The following LRRC4C variants were observed in gnomAD, a reference collection of about 807,000 sequenced individuals.
LRRC4C encodes the protein leucine-rich repeat-containing protein 4C.
In LRRC4C, 5 loss-of-function variants were observed where a neutral mutation model predicts 33.6. That is an observed-to-expected ratio of 0.15 (90% CI 0.08 to 0.31). LRRC4C has a LOEUF of 0.31. LRRC4C is among the 10% of genes least tolerant of loss of function. The probability of loss-of-function intolerance (pLI) is 1.00; values close to 1 mark genes in which losing one functional copy is unlikely to be tolerated. For synonymous variants in LRRC4C, 329 were observed against 302.0 expected, an observed-to-expected ratio of 1.09 and a Z score of -0.93; for missense variants, 560 against 796.7, an observed-to-expected ratio of 0.70 and a Z score of 3.58.
At chr11:41,184,252 T>A in intron 1 of LRRC4C, among the ~76,000 whole-genome samples, 1 of 149,830 alleles carries the variant, frequency 6.7e-6, no homozygotes, top group East Asian at 1.9e-4. Context: ...CTTCAGAAAA[T>A]GCGTTTTTTT....
At chr11:40,516,518 C>T (rs1955566584) in intron 3 of LRRC4C, among the ~76,000 whole-genome samples, 1 of 152,032 alleles carries the variant, frequency 6.6e-6, no homozygotes, top group African/African-American at 2.4e-5. Flanking sequence ...GGTTTATGTC[C>T]ACTCTCTGTC....
At position 41,035,799 on chromosome 11, in the gene LRRC4C, G is replaced by A. The variant is rs146844321; in HGVS notation, c.-495-102076C>T. ...AATATGTAGAATTGAATGGAAATTC[G>A]AATTTAAAATATTAATTTAAATAAT... On this transcript the variant is annotated intron_variant, in intron 1 of 6. Transcript: ENST00000528697. 4.6e-3 allele frequency among the ~76,000 whole-genome samples: 697 copies of A among 152,152 alleles called. 2 individuals carry two copies. The highest frequency in any genetic ancestry group is 0.016 in the African/African-American group (664 of 41,512).
At chr11:40,362,226 C>G (rs530220040) in intron 3 of LRRC4C, among the ~76,000 whole-genome samples, 1 of 151,978 alleles carries the variant, frequency 6.6e-6, no homozygotes, top group Admixed American at 6.6e-5. Flanking sequence ...GAGGAAGATG[C>G]CAAAAGCAAT....
chr11:41,040,189 T>C (rs1857348106), intron 1 of LRRC4C, among the ~76,000 whole-genome samples: 2 of 146,916 alleles, frequency 1.4e-5, no homozygotes, highest in South Asian at 4.4e-4. Flanking sequence ...GGGATGTACA[T>C]GGGGGTTGAT....
intron 2 of LRRC4C, among the ~76,000 whole-genome samples, chr11:40,847,534 C>A (rs1187557977): frequency 6.6e-6 from 1 of 152,114 alleles, no homozygotes; most frequent in African/African-American, 2.4e-5. Flanking sequence ...TAATGTGTTG[C>A]TGGATTCAGT....
chr11:41,122,801 GTATTTT>G (rs1942509261), intron 1 of LRRC4C: 1 of 151,940 alleles, frequency 6.6e-6, no homozygotes, highest in Non-Finnish European at 1.5e-5. Flanking sequence ...TAGGTAGACT[GTATTTT>G]TAATGAAACA....
At position 40,114,659 on chromosome 11, in the gene LRRC4C, A is replaced by G; in HGVS notation, c.1634T>C (p.Val545Ala). The change falls in exon 7 of 7, where the codon GTC (valine) becomes GCC (alanine). Residue 545 changes from valine to alanine, a missense_variant. By Grantham distance (64) the Val-to-Ala change is moderately conservative (BLOSUM62 0). Transcript: ENST00000528697. ...AITLMAAVMLVIFYKMRKQHH... is the reference protein window; with the variant it reads ...AITLMAAVMLAIFYKMRKQHH... ...CTGCTTCCTCATCTTGTAGAAAATG[A>G]CCAGCATCACTGCAGCCATGAGTGT... The G allele has an allele frequency of 6.2e-7, 1 of 1,614,158 alleles. No individual in the cohort carries two copies. The highest frequency in any genetic ancestry group is 8.5e-7 in the Non-Finnish European group (1 of 1,180,036).
intron 3 of LRRC4C, among the ~76,000 whole-genome samples, chr11:40,319,929 G>A (rs1013869377): frequency 5.3e-5 from 8 of 151,690 alleles, no homozygotes. Flanking sequence ...GTATATATGT[G>A]TATGTATTAT....
At chr11:40,689,856 T>G (rs555957686) in intron 2 of LRRC4C, among the ~76,000 whole-genome samples, 1 of 152,228 alleles carries the variant, frequency 6.6e-6, no homozygotes, top group South Asian at 2.1e-4. Flanking sequence ...TTTAACAAGG[T>G]TCTGAACACA....
chr11:40,741,044 C>T (rs964760480), intron 2 of LRRC4C, among the ~76,000 whole-genome samples: 1 of 151,998 alleles, frequency 6.6e-6, no homozygotes, highest in Non-Finnish European at 1.5e-5. Flanking sequence ...ATTCTGAGAT[C>T]AAGTATGATC....
At chr11:41,009,630 A>C (rs1449184186) in intron 1 of LRRC4C, among the ~76,000 whole-genome samples, 3 of 152,120 alleles carry the variant, frequency 2.0e-5, no homozygotes, top group African/African-American at 7.2e-5. Context: ...AGGCATGCTT[A>C]GTTTAGCTAT....
intron 2 of LRRC4C, among the ~76,000 whole-genome samples, chr11:40,899,278 C>T (rs1212730475): frequency 6.6e-6 from 1 of 152,120 alleles, no homozygotes. Flanking sequence ...CTTCCTTACA[C>T]TAGAAGTAGC....
intron 2 of LRRC4C, among the ~76,000 whole-genome samples, chr11:40,753,006 A>C (rs559921442): frequency 1.9e-4 from 29 of 152,284 alleles, no homozygotes; most frequent in African/African-American, 6.7e-4. Context: ...ATGCTAAGTC[A>C]AATAAGTCAG....
chr11:41,092,950 T>C (rs754419422), intron 1 of LRRC4C, among the ~76,000 whole-genome samples: 1 of 152,248 alleles, frequency 6.6e-6, no homozygotes, highest in Non-Finnish European at 1.5e-5. Flanking sequence ...TCCTCTGTAA[T>C]GTTTTATACA....
intron 1 of LRRC4C, among the ~76,000 whole-genome samples, chr11:41,116,189 C>G (rs1232481495): frequency 6.6e-6 from 1 of 152,092 alleles, no homozygotes; most frequent in African/African-American, 2.4e-5. Flanking sequence ...AGACTACAAG[C>G]TTTGGTTTCA....
intron 2 of LRRC4C, among the ~76,000 whole-genome samples, chr11:40,764,247 C>T (rs1949351435): frequency 6.6e-6 from 1 of 152,164 alleles, no homozygotes; most frequent in Admixed American, 6.5e-5. Context: ...GGGAAGGGCC[C>T]AACCCAGTCC....
chr11:40,211,608 G>C (rs1863611937), intron 5 of LRRC4C, among the ~76,000 whole-genome samples: 1 of 152,104 alleles, frequency 6.6e-6, no homozygotes, highest in Non-Finnish European at 1.5e-5. Flanking sequence ...TTAGTAAAAT[G>C]GTAGGTTTGC....
chr11:40,905,502 T>C (rs1956377901), intron 2 of LRRC4C, among the ~76,000 whole-genome samples: 1 of 152,164 alleles, frequency 6.6e-6, no homozygotes, highest in East Asian at 1.9e-4. Flanking sequence ...AAACCCTTCC[T>C]ACCCCAGGGA....
intron 3 of LRRC4C, among the ~76,000 whole-genome samples, chr11:40,623,324 T>G (rs972017537): frequency 6.6e-6 from 1 of 152,044 alleles, no homozygotes; most frequent in East Asian, 1.9e-4. Context: ...GGAAACAGTT[T>G]AGGAAATATT....
Sources: gnomAD v4.1 joint callset for allele counts (sites outside exome capture counted in the v4.1 genomes callset) on GRCh38, gnomAD v4.1.1 for gene constraint, MANE v1.5 for transcripts, NCBI Gene and HGNC (gene_info 2026-07-23, HGNC 2026-07-21) for gene names.